CTNNA3: variants seen among roughly 807,000 people sequenced by gnomAD.
CTNNA3 encodes the protein catenin alpha-3.
CTNNA3 carries 76 observed loss-of-function variants against 95.7 expected under a neutral mutation model. The ratio of observed to expected loss-of-function variants is 0.79; its 90% CI spans 0.66 to 0.96. CTNNA3 has a LOEUF of 0.96. Among genes scored for constraint, CTNNA3 ranks in the 40% least tolerant of loss-of-function variants. CTNNA3 has a pLI of 0.00. For missense variants in CTNNA3, 1,191 were observed against 1,089.8 expected (o/e 1.09, Z -1.31); for synonymous variants, 431 against 374.4 (o/e 1.15, Z -1.74).
chr10:67,569,854 A>C (rs1471924019), intron 3 of CTNNA3, among the ~76,000 whole-genome samples: 3 of 152,022 alleles, frequency 2.0e-5, no homozygotes, highest in African/African-American at 7.2e-5. Context: ...TAATCTTTCC[A>C]ATCATTATCT....
chr10:66,369,705 G>T (rs957420794), intron 12 of CTNNA3, among the ~76,000 whole-genome samples: 1 of 152,042 alleles, frequency 6.6e-6, no homozygotes, highest in African/African-American at 2.4e-5. Flanking sequence ...GCAAATGTTG[G>T]CCGGCTAATT....
chr10:66,527,393 C>G (rs1841306642), intron 10 of CTNNA3, among the ~76,000 whole-genome samples: 1 of 152,000 alleles, frequency 6.6e-6, no homozygotes, highest in Non-Finnish European at 1.5e-5. Flanking sequence ...TACTCAAGGT[C>G]CCTTGAGATT....
At chr10:67,642,428 AG>A (rs1317542833) in intron 2 of CTNNA3, among the ~76,000 whole-genome samples, 1 of 152,176 alleles carries the variant, frequency 6.6e-6, no homozygotes, top group Admixed American at 6.5e-5. Flanking sequence ...CATGAAAAAA[AG>A]TTTATCAGCT....
At chr10:67,738,194 AG>A (rs1841313871) in intron 1 of CTNNA3, among the ~76,000 whole-genome samples, 1 of 152,226 alleles carries the variant, frequency 6.6e-6, no homozygotes, top group East Asian at 1.9e-4. Context: ...CACCTCATAC[AG>A]GCGGGTGTCC....
intron 13 of CTNNA3, among the ~76,000 whole-genome samples, chr10:66,168,248 T>C (rs113251664): frequency 1.4e-3 from 219 of 152,270 alleles, no homozygotes; most frequent in African/African-American, 5.1e-3. Context: ...TATTGTGAAG[T>C]GACATCCTGA....
At chr10:66,385,562 A>G (rs1285540198) in intron 11 of CTNNA3, among the ~76,000 whole-genome samples, 1 of 152,194 alleles carries the variant, frequency 6.6e-6, no homozygotes, top group Admixed American at 6.5e-5. Context: ...ATCAACAGAA[A>G]AAAAGGGATT....
intron 7 of CTNNA3, among the ~76,000 whole-genome samples, chr10:66,812,841 A>T (rs12762630): frequency 2.6e-5 from 4 of 152,128 alleles, no homozygotes; most frequent in Non-Finnish European, 5.9e-5. Flanking sequence ...TTTTATCTCC[A>T]CAATTTTTCA....
At chr10:66,455,403 G>A (rs1160458368) in intron 11 of CTNNA3, among the ~76,000 whole-genome samples, 1 of 152,130 alleles carries the variant, frequency 6.6e-6, no homozygotes, top group Non-Finnish European at 1.5e-5. Flanking sequence ...AGTGCAGCAA[G>A]GTTATAGTGA....
At position 67,339,192 on chromosome 10, in the gene CTNNA3, A is replaced by G. The variant is rs184643764; in HGVS notation, c.580-119322T>C. On this transcript the variant is annotated intron_variant, in intron 5 of 17. Coordinates refer to ENST00000433211, the MANE Select transcript of CTNNA3 (RefSeq NM_013266.4). ...TCACTCATTCTTCAGGATAAATTCT[A>G]TCCCTGAGCAAAGAAAGCAAAATCT... is the stretch of plus-strand genomic sequence containing the variant. Among the ~76,000 whole-genome samples the G allele has an allele frequency of 2.9e-3, 446 of 152,284 alleles. 3 individuals carry two copies. Among genetic ancestry groups the G allele is most frequent in the Non-Finnish European group, 4.0e-3 (269 of 68,014 alleles).
intron 5 of CTNNA3, among the ~76,000 whole-genome samples, chr10:67,270,344 T>A (rs932137632): frequency 1.3e-5 from 2 of 152,114 alleles, no homozygotes; most frequent in Non-Finnish European, 2.9e-5. Flanking sequence ...AAAAAACTTT[T>A]CCTTATAACC....
intron 7 of CTNNA3, among the ~76,000 whole-genome samples, chr10:66,809,500 T>C (rs1222218950): frequency 6.6e-6 from 1 of 152,180 alleles, no homozygotes; most frequent in African/African-American, 2.4e-5. Context: ...ATTTTTGTTC[T>C]TTTAACAGAT....
At chr10:66,446,659 T>C (rs995528220) in intron 11 of CTNNA3, among the ~76,000 whole-genome samples, 7 of 152,158 alleles carry the variant, frequency 4.6e-5, no homozygotes, top group Non-Finnish European at 1.0e-4. Flanking sequence ...AAATTACGTA[T>C]TGATGGGACG....
At chr10:66,390,878 C>T (rs2132528831) in intron 11 of CTNNA3, among the ~76,000 whole-genome samples, 1 of 152,186 alleles carries the variant, frequency 6.6e-6, no homozygotes, top group South Asian at 2.1e-4. Flanking sequence ...TGTAAAGTCC[C>T]TTCTTCCTCT....
chr10:66,655,988 T>C (rs545218533), intron 9 of CTNNA3, among the ~76,000 whole-genome samples: 1 of 152,208 alleles, frequency 6.6e-6, no homozygotes, highest in African/African-American at 2.4e-5. Context: ...GAAGTAGTAG[T>C]AAACGTTTAT....
intron 3 of CTNNA3, among the ~76,000 whole-genome samples, chr10:67,566,073 A>ATATATATATATATATAT: frequency 9.4e-6 from 1 of 106,180 alleles, no homozygotes. Context: ...ATATATATAT[A>ATATATATATATATATAT]CAAAACCTAG....
intron 12 of CTNNA3, among the ~76,000 whole-genome samples, chr10:66,294,914 G>GAGAGA (rs1554924832): frequency 1.3e-5 from 2 of 150,618 alleles, no homozygotes; most frequent in African/African-American, 4.9e-5. Context: ...GAGAGAGAGA[G>GAGAGA]GGATTTGGTA....
At chr10:67,332,067 A>G (rs187152422) in intron 5 of CTNNA3, among the ~76,000 whole-genome samples, 19 of 152,360 alleles carry the variant, frequency 1.2e-4, no homozygotes, top group Admixed American at 1.0e-3. Flanking sequence ...CTAATTACTT[A>G]TAGGAATCTG....
intron 3 of CTNNA3, among the ~76,000 whole-genome samples, chr10:67,565,934 T>C (rs1841752162): frequency 1.5e-5 from 2 of 135,102 alleles, no homozygotes; most frequent in South Asian, 2.6e-4. Context: ...AGCAAAGATA[T>C]GCAATCAAAC....
At chr10:67,040,247 G>C (rs1925633) in intron 7 of CTNNA3, among the ~76,000 whole-genome samples, 129,911 of 152,050 alleles carry the variant, frequency 0.85, 56,091 homozygotes, top group Middle Eastern at 0.93. Context: ...CGGTCTACAT[G>C]TGATCCTAAG....
Sources: gnomAD v4.1 joint callset for allele counts (sites outside exome capture counted in the v4.1 genomes callset) on GRCh38, gnomAD v4.1.1 for gene constraint, MANE v1.5 for transcripts, NCBI Gene and HGNC (gene_info 2026-07-23, HGNC 2026-07-21) for gene names.